The following SLC12A4 variants were observed in gnomAD, a reference collection of about 807,000 sequenced individuals.
SLC12A4 encodes electroneutral potassium-chloride cotransporter 1.
SLC12A4 carries 84 observed loss-of-function variants against 119.2 expected under a neutral mutation model. The ratio of observed to expected loss-of-function variants is 0.70; its 90% CI spans 0.59 to 0.85. The LOEUF is 0.85. Among genes scored for constraint, SLC12A4 ranks in the 40% least tolerant of loss-of-function variants. The pLI is 0.00. For missense variants in SLC12A4, 1,298 were observed against 1,476.3 expected, an observed-to-expected ratio of 0.88 and a Z score of 1.98; for synonymous variants, 599 against 604.6, an observed-to-expected ratio of 0.99 and a Z score of 0.14.
At chr16:67,967,586 C>T (rs1416089383) in intron 1 of SLC12A4, among the ~76,000 whole-genome samples, 2 of 152,108 alleles carry the variant, frequency 1.3e-5, no homozygotes, top group East Asian at 1.9e-4. Flanking sequence ...CTCTGGGGGG[C>T]CTCCTGGGGT....
At chr16:67,953,550 T>G (rs547150511) in intron 6 of SLC12A4, among the ~76,000 whole-genome samples, 1 of 151,960 alleles carries the variant, frequency 6.6e-6, no homozygotes, top group Admixed American at 6.5e-5. Flanking sequence ...GAATGGAGAG[T>G]GACTGCTAAT....
At position 67,945,873 on chromosome 16, in the gene SLC12A4, T is replaced by TGGG. The variant is rs1353915641; in HGVS notation, c.2740-5_2740-3dup. 2.7e-5 allele frequency: 44 copies of TGGG among 1,613,876 alleles called. No individual in the cohort carries two copies. Among genetic ancestry groups the TGGG allele is most frequent in the Non-Finnish European group, 3.7e-5 (44 of 1,180,002 alleles). Reference sequence around the variant, plus strand: ...GTATGCAGAGATGTCACTGTTATGCTGGGGACAGGGTTGGCCGTGAGGACC... The same window carrying TGGG: ...GTATGCAGAGATGTCACTGTTATGCTGGGGGGGACAGGGTTGGCCGTGAGGACC... On this transcript the variant is annotated splice_polypyrimidine_tract_variant and splice_region_variant and intron_variant, in intron 20 of 23. Transcript: ENST00000316341.
intron 3 of SLC12A4, among the ~76,000 whole-genome samples, chr16:67,959,723 T>C (rs937809183): frequency 6.6e-6 from 1 of 152,052 alleles, no homozygotes; most frequent in Non-Finnish European, 1.5e-5. Context: ...AAAAGGACAG[T>C]GTGGGAAAGG....
rs759027102 is a variant in SLC12A4 at position 67,944,934 on chromosome 16, G to T, written c.3167-3C>A. ...CAGCACCTCGAGGAACTCCATGTCT[G>T]CAGGGCCTCAAGTCAAGGAGGCAAC... On this transcript the variant is annotated splice_polypyrimidine_tract_variant and splice_region_variant and intron_variant, in intron 23 of 23. Coordinates refer to ENST00000316341, the MANE Select transcript of SLC12A4 (RefSeq NM_005072.5). This position sits in a 1 kb window ranked among gnomAD's most constrained non-coding sequence, Gnocchi z 6.6. 6.2e-7 allele frequency: 1 copy of T among 1,613,260 alleles called. No homozygotes were observed. Among genetic ancestry groups the T allele is most frequent in the Non-Finnish European group, 8.5e-7 (1 of 1,179,994 alleles).
intron 1 of SLC12A4, 74 bp downstream of exon 1, chr16:67,968,365 G>C: frequency 7.4e-7 from 1 of 1,342,876 alleles, no homozygotes; most frequent in South Asian, 1.4e-5. Flanking sequence ...ATAGGTGCGG[G>C]CGCGGGCCCG....
chr16:67,968,519 G>C lies in SLC12A4; in HGVS notation c.35C>G (p.Pro12Arg). ...PHFTVVPVDG[P>R]RRGDYDNLEG... The stretch of plus-strand genomic sequence containing the variant: ...GAGGTTGTCATAGTCGCCGCGCCTC[G>C]GCCCGTCCACTGGCACCACGGTGAA... The change falls in exon 1 of 24, where the codon CCG becomes CGG. Residue 12 changes from proline to arginine, a missense_variant. Coordinates refer to ENST00000316341, the MANE Select transcript of SLC12A4 (RefSeq NM_005072.5). The C allele has an allele frequency of 6.3e-7, 1 of 1,582,356 alleles. No individual in the cohort carries two copies. Among genetic ancestry groups the C allele is most frequent in the Non-Finnish European group, 8.6e-7 (1 of 1,169,206 alleles).
rs751610841 is a variant in SLC12A4, at chr16:67,952,308, C to G, written c.793G>C (p.Val265Leu). The change falls in exon 7 of 24, where the codon GTG (valine) becomes CTG (leucine). Residue 265 changes from valine (V) to leucine (L), a missense_variant. Transcript: ENST00000316341. ...GTIFLTFMTL[V>L]VFVGVKYVNK... ...ACATACTTGACCCCCACAAACACCA[C>G]CAGGGTCATGAAGGTCAGGAAAATG... The G allele has an allele frequency of 5.0e-6, 8 of 1,614,070 alleles. No homozygotes were observed. In the Admixed American group the frequency reaches 1.2e-4, roughly 24 times the overall value.
rs991412815 is a variant in SLC12A4, at chr16:67,949,428, G to C, written c.1748+372C>G. 1 of 170,706 alleles carries C rather than the reference G, an allele frequency of 5.9e-6. No individual in the cohort carries two copies. The highest frequency in any genetic ancestry group is 1.2e-5 in the Non-Finnish European group (1 of 80,572). 10.6% of individuals were successfully genotyped at this position (170,706 alleles called of 1,614,324 possible). A position where few individuals can be genotyped will look rare whatever the true frequency, so the allele number is the denominator to read the frequency against. ...ATCATGCCATTGCACTCCAGCCTGG[G>C]TGAGAGAGTGAGACTCTGTCTCAAA... On this transcript the variant is annotated intron_variant, in intron 13 of 23. Transcript: ENST00000316341. The surrounding 1 kb of genome is among the most constrained non-coding windows in gnomAD (Gnocchi z 4.6).
At position 67,946,992 on chromosome 16, in the gene SLC12A4, G is replaced by A. The variant is rs1368965133; in HGVS notation, c.2186C>T (p.Ser729Phe). ...KAGKGLTIVG[S>F]VIQGSFLESY... ...CTCCAAGAAGCTCCCCTGGATGACA[G>A]AACCAACAATGGTCAGGCCCTTGCC... The change falls in exon 17 of 24, where the codon TCT (serine) becomes TTT (phenylalanine). Residue 729 changes from serine to phenylalanine, a missense_variant. Ser to Phe is a radical substitution (Grantham distance 155). Transcript: ENST00000316341. 1.2e-6 allele frequency: 2 copies of A among 1,613,270 alleles called. No individual in the cohort carries two copies. Among genetic ancestry groups the A allele is most frequent in the Non-Finnish European group, 1.7e-6 (2 of 1,180,016 alleles).
At chr16:67,967,210 C>T (rs2030904328) in intron 1 of SLC12A4, among the ~76,000 whole-genome samples, 1 of 152,248 alleles carries the variant, frequency 6.6e-6, no homozygotes, top group Non-Finnish European at 1.5e-5. Context: ...TCAAGTGATA[C>T]ACACACATAG....
chr16:67,946,419 G>A lies in SLC12A4; in HGVS notation c.2437+19C>T. 1 of 1,603,434 alleles carries A rather than the reference G, an allele frequency of 6.2e-7. No individual in the cohort carries two copies. The highest frequency in any genetic ancestry group is 8.5e-7 in the Non-Finnish European group (1 of 1,179,256). ...ACCTCACTTCACCCCTGCCCACCAG[G>A]CCCCAGGCCTTCACACACCAATGAA... is the stretch of plus-strand genomic sequence containing the variant. On this transcript the variant is annotated intron_variant, in intron 18 of 23. Coordinates refer to ENST00000316341, the MANE Select transcript of SLC12A4 (RefSeq NM_005072.5).
rs765278285 is a variant in SLC12A4, at chr16:67,946,239, CTA to C, written c.2537_2538del (p.Ile846ArgfsTer23). On this transcript the variant is annotated frameshift_variant, in exon 19 of 24. Coordinates refer to ENST00000316341, the MANE Select transcript of SLC12A4 (RefSeq NM_005072.5). LOFTEE classifies it high-confidence loss of function. ...CCATCGTGCACGATCCACCACACGT[CTA>C]TGTGGCCCTCCAGGTAGCGCTCGTG... ...SNHERYLEGH[I>X]DVWWIVHDGG... The C allele has an allele frequency of 2.5e-6, 4 of 1,613,910 alleles. No individual in the cohort carries two copies. In the Admixed American group the frequency reaches 5.0e-5, roughly 20 times the overall value.
rs373047021 is a variant in SLC12A4, at chr16:67,946,936, C to T, written c.2241+1G>A. The T allele has an allele frequency of 5.6e-5, 91 of 1,612,444 alleles. No homozygotes were observed. Among genetic ancestry groups the T allele is most frequent in the Non-Finnish European group, 7.5e-5 (89 of 1,179,670 alleles). On this transcript the variant is annotated splice_donor_variant, in intron 17 of 23. Transcript: ENST00000316341. LOFTEE classifies it high-confidence loss of function. ...CAGCTCTCCCTCCCCAAAGCAAGTA[C>T]CTGCTCGGCGGCCTGAGCCTCGCCA...
In SLC12A4 at chr16:67,945,519, C is replaced by G. The variant is rs142683701; in HGVS notation, c.2882G>C (p.Arg961Pro). The G allele has an allele frequency of 6.2e-7, 1 of 1,613,960 alleles. No homozygotes were observed. Residue 961 changes from arginine to proline, a missense_variant, in exon 22 of 24, where the codon CGG (arginine) becomes CCG (proline). Physicochemically the swap from Arg to Pro is moderately radical, Grantham distance 103. Coordinates refer to ENST00000316341, the MANE Select transcript of SLC12A4 (RefSeq NM_005072.5). ...QLVKDRHSALRLESLYSDEED... is the reference protein window; with the variant it reads ...QLVKDRHSALPLESLYSDEED... ...CTCGTCCGAGTACAGGCTCTCCAGC[C>G]GCAGGGCCGAGTGCCGATCCTTGAC...
chr16:67,963,840 G>GCACGGGGCCTGCA, intron 1 of SLC12A4: 2 of 1,498,558 alleles, frequency 1.3e-6, no homozygotes, highest in African/African-American at 2.8e-5. Flanking sequence ...GGACACTGAG[G>GCACGGGGCCTGCA]GACGGGGCCT....
At chr16:67,946,703 C>G (rs2058354817) in intron 17 of SLC12A4, 70 bp from the exon 18 acceptor site, 1 of 1,522,350 alleles carries the variant, frequency 6.6e-7, no homozygotes, top group Non-Finnish European at 8.9e-7. Context: ...TCCCAAGGCC[C>G]CTCGGGAACA....
At position 67,945,096 on chromosome 16, in the gene SLC12A4, C is replaced by A; in HGVS notation, c.3157G>T (p.Asp1053Tyr). 1 of 1,581,694 alleles carries A rather than the reference C, an allele frequency of 6.3e-7. No individual in the cohort carries two copies. The highest frequency in any genetic ancestry group is 8.6e-7 in the Non-Finnish European group (1 of 1,161,882). Residue 1053 changes from aspartate to tyrosine, a missense_variant, in exon 23 of 24, where the codon GAC becomes TAC. Coordinates refer to ENST00000316341, the MANE Select transcript of SLC12A4 (RefSeq NM_005072.5). Reference protein sequence around the residue: ...MPGPPRNSEGDENYMEFLEVL... With the variant: ...MPGPPRNSEGYENYMEFLEVL... ...CTCCACAAAGGGATACAGTTCTCGTCGCCCTCACTGTTCCTGGGTGGGCCA... is the reference window on the plus strand; with the variant it reads ...CTCCACAAAGGGATACAGTTCTCGTAGCCCTCACTGTTCCTGGGTGGGCCA...
chr16:67,960,594 G>A (rs937638586), intron 3 of SLC12A4, among the ~76,000 whole-genome samples: 1 of 150,890 alleles, frequency 6.6e-6, no homozygotes, highest in Non-Finnish European at 1.5e-5. Context: ...TGCTTGTGCC[G>A]ACCTCTGAGA....
At position 67,949,761 on chromosome 16, in the gene SLC12A4, C is replaced by T. The variant is rs766774781; in HGVS notation, c.1748+39G>A. The T allele has an allele frequency of 7.1e-7, 1 of 1,415,952 alleles. No homozygotes were observed. Among genetic ancestry groups the T allele is most frequent in the Non-Finnish European group, 9.8e-7 (1 of 1,019,336 alleles). 87.7% of individuals were successfully genotyped at this position (1,415,952 alleles called of 1,614,324 possible). A position where few individuals can be genotyped will look rare whatever the true frequency, so the allele number is the denominator to read the frequency against. On this transcript the variant is annotated intron_variant, in intron 13 of 23. Transcript: ENST00000316341. The surrounding 1 kb of genome is among the most constrained non-coding windows in gnomAD (Gnocchi z 4.6). ...CGGGGAGGTGCTGGGGTTCAGGAAG[C>T]CTTTCCCCATCCCCCTGCCCTGCCC...
Sources: gnomAD v4.1 joint callset for allele counts (sites outside exome capture counted in the v4.1 genomes callset) on GRCh38, gnomAD v4.1.1 for gene constraint, Gnocchi (gnomAD v3.1) non-coding constraint, MANE v1.5 for transcripts, NCBI Gene and HGNC (gene_info 2026-07-23, HGNC 2026-07-21) for gene names.